The following UVRAG variants were observed in gnomAD, a reference collection of about 807,000 sequenced individuals.
The protein encoded by UVRAG is UV radiation resistance-associated gene protein.
UVRAG carries 19 observed loss-of-function variants against 78.0 expected under a neutral mutation model. The observed-to-expected ratio is 0.24, with a 90% CI of 0.17 to 0.36. UVRAG has a LOEUF of 0.36. Ranked by LOEUF, UVRAG falls within the 10% of genes least tolerant of loss-of-function variation. The pLI is 1.00. For missense variants in UVRAG, 740 were observed against 853.8 expected, an observed-to-expected ratio of 0.87 and a Z score of 1.66; for synonymous variants, 323 against 324.6, an observed-to-expected ratio of 1.00 and a Z score of 0.05.
chr11:75,879,122 T>C (rs1333074828), intron 3 of UVRAG, among the ~76,000 whole-genome samples: 4 of 152,234 alleles, frequency 2.6e-5, no homozygotes, highest in Non-Finnish European at 5.9e-5. Context: ...GACCTTGTTA[T>C]TTTCAACTTG....
chr11:75,831,885 C>T (rs984783784), intron 1 of UVRAG, among the ~76,000 whole-genome samples: 1 of 152,144 alleles, frequency 6.6e-6, no homozygotes, highest in African/African-American at 2.4e-5. Flanking sequence ...TTCCATTAGC[C>T]TATAGTTGGG....
chr11:75,888,756 C>T, intron 4 of UVRAG, 73 bp from the exon 5 acceptor site: 1 of 1,289,940 alleles, frequency 7.8e-7, no homozygotes, highest in Non-Finnish European at 1.1e-6. Flanking sequence ...CCTGTTGTAA[C>T]TGTCATTCTC....
chr11:76,045,700 T>TAAA (rs34827474), intron 12 of UVRAG, among the ~76,000 whole-genome samples: 34 of 130,876 alleles, frequency 2.6e-4, no homozygotes, highest in Non-Finnish European at 4.3e-4. Context: ...GTTTTTCTCT[T>TAAA]AAAAAAAAAA....
chr11:75,880,775 G>T (rs772593200), intron 4 of UVRAG, among the ~76,000 whole-genome samples: 7 of 151,364 alleles, frequency 4.6e-5, no homozygotes, highest in African/African-American at 1.5e-4. Context: ...GGCTGGTCTC[G>T]AACTCCTGAG....
chr11:75,902,640 A>T (rs753893691), intron 5 of UVRAG, among the ~76,000 whole-genome samples: 6 of 151,528 alleles, frequency 4.0e-5, no homozygotes. Flanking sequence ...CTATTTTTTC[A>T]TTTATCCTGG....
At chr11:75,938,187 A>G (rs1030912733) in intron 6 of UVRAG, among the ~76,000 whole-genome samples, 2 of 151,456 alleles carry the variant, frequency 1.3e-5, no homozygotes, top group Admixed American at 6.6e-5. Context: ...TGTGATTTTC[A>G]TCTCTGAAAG....
intron 4 of UVRAG, among the ~76,000 whole-genome samples, chr11:75,882,195 C>T (rs1946961889): frequency 6.6e-6 from 1 of 152,078 alleles, no homozygotes; most frequent in Admixed American, 6.5e-5. Flanking sequence ...CAACTTAATT[C>T]TGCATTTTTT....
At chr11:75,892,656 T>C (rs1444162026) in intron 5 of UVRAG, among the ~76,000 whole-genome samples, 1 of 152,142 alleles carries the variant, frequency 6.6e-6, no homozygotes, top group African/African-American at 2.4e-5. Flanking sequence ...TTTCCCCTAT[T>C]GTCCTTCAGT....
intron 1 of UVRAG, among the ~76,000 whole-genome samples, chr11:75,828,852 T>C (rs1303132654): frequency 7.1e-6 from 1 of 140,196 alleles, no homozygotes; most frequent in African/African-American, 2.6e-5. Context: ...GGACTACAGG[T>C]GCGCATGGTG....
At chr11:76,052,839 G>C (rs1950895378) in intron 12 of UVRAG, among the ~76,000 whole-genome samples, 1 of 151,732 alleles carries the variant, frequency 6.6e-6, no homozygotes, top group Non-Finnish European at 1.5e-5. Context: ...CTATGGCTTT[G>C]GTTTCCATCT....
intron 11 of UVRAG, among the ~76,000 whole-genome samples, chr11:76,011,943 A>G (rs1239037754): frequency 6.6e-6 from 1 of 152,230 alleles, no homozygotes; most frequent in Non-Finnish European, 1.5e-5. Flanking sequence ...TATAGAGAAG[A>G]TGATTTCAGT....
chr11:76,098,086 A>C (rs1404076120), intron 13 of UVRAG, among the ~76,000 whole-genome samples: 1 of 152,002 alleles, frequency 6.6e-6, no homozygotes, highest in African/African-American at 2.4e-5. Flanking sequence ...GGTGAGTCTT[A>C]TCTCTTCTAG....
At chr11:75,862,578 T>A (rs1018118946) in intron 3 of UVRAG, among the ~76,000 whole-genome samples, 1 of 152,226 alleles carries the variant, frequency 6.6e-6, no homozygotes, top group African/African-American at 2.4e-5. Flanking sequence ...ACAAAGCTTA[T>A]CTTGTTCCTT....
intron 6 of UVRAG, among the ~76,000 whole-genome samples, chr11:75,942,622 A>C (rs1209320101): frequency 6.6e-6 from 1 of 152,184 alleles, no homozygotes; most frequent in Non-Finnish European, 1.5e-5. Context: ...GTAGTTAAAA[A>C]ATACTATTTA....
chr11:75,938,307 A>G (rs1430887277), intron 6 of UVRAG, among the ~76,000 whole-genome samples: 2 of 152,052 alleles, frequency 1.3e-5, no homozygotes, highest in Non-Finnish European at 2.9e-5. Context: ...GGCCCTATCT[A>G]CTGATTCTGT....
intron 6 of UVRAG, among the ~76,000 whole-genome samples, chr11:75,957,547 A>G (rs192295052): frequency 6.6e-6 from 1 of 152,100 alleles, no homozygotes; most frequent in East Asian, 1.9e-4. Context: ...TATAAATTAC[A>G]GTATCATCTT....
chr11:76,001,955 C>G (rs1949821566), intron 8 of UVRAG, among the ~76,000 whole-genome samples: 1 of 152,092 alleles, frequency 6.6e-6, no homozygotes, highest in African/African-American at 2.4e-5. Context: ...TAAACAGAAA[C>G]CATTAATCAA....
At chr11:76,134,303 A>C in intron 14 of UVRAG, among the ~76,000 whole-genome samples, 1 of 135,516 alleles carries the variant, frequency 7.4e-6, no homozygotes, top group African/African-American at 2.9e-5. Context: ...TCTTACTTTC[A>C]TCCAAGCTGG....
intron 12 of UVRAG, among the ~76,000 whole-genome samples, chr11:76,053,407 T>C (rs971079755): frequency 9.2e-5 from 14 of 152,172 alleles, no homozygotes; most frequent in African/African-American, 3.4e-4. Flanking sequence ...TACCGCCATC[T>C]GCCTCGTTTC....
Sources: allele counts gnomAD v4.1 joint callset (sites outside exome capture counted in the v4.1 genomes callset), GRCh38; gene constraint gnomAD v4.1.1; transcripts MANE v1.5; gene names NCBI Gene and HGNC (gene_info 2026-07-23, HGNC 2026-07-21).